Variants in KIAA1549L observed in about 807,000 individuals in gnomAD.
KIAA1549L encodes the protein UPF0606 protein KIAA1549L.
KIAA1549L carries 88 observed loss-of-function variants against 160.7 expected under a neutral mutation model. The observed-to-expected ratio is 0.55, with a 90% CI of 0.46 to 0.65. The LOEUF (loss-of-function observed/expected upper bound fraction) is 0.65, where lower values mean the gene tolerates loss of function less well. KIAA1549L is among the 30% of genes least tolerant of loss of function. The pLI is 0.00. For synonymous variants in KIAA1549L, 950 were observed against 976.7 expected (o/e 0.97, Z 0.51); for missense variants, 2,258 against 2,437.5 (o/e 0.93, Z 1.55).
intron 6 of KIAA1549L, 122 bp downstream of exon 6, chr11:33,552,363 G>C: frequency 2.8e-6 from 3 of 1,076,766 alleles, no homozygotes; most frequent in Non-Finnish European, 4.0e-6. Context: ...TTGTACTTCA[G>C]ACATTGGTGA....
chr11:33,663,281 G>T (rs150581417), intron 20 of KIAA1549L, among the ~76,000 whole-genome samples: 2 of 152,198 alleles, frequency 1.3e-5, no homozygotes, highest in Non-Finnish European at 2.9e-5. Flanking sequence ...GATGGAGAAG[G>T]ATTGGGAGGG....
At chr11:33,386,998 T>C (rs1253548716) in intron 1 of KIAA1549L, among the ~76,000 whole-genome samples, 1 of 151,702 alleles carries the variant, frequency 6.6e-6, no homozygotes, top group Non-Finnish European at 1.5e-5. Context: ...TCCCAGCTAC[T>C]TGGGAGGCTG....
chr11:33,426,639 G>T (rs555625830), intron 1 of KIAA1549L, among the ~76,000 whole-genome samples: 2 of 152,234 alleles, frequency 1.3e-5, no homozygotes, highest in African/African-American at 4.8e-5. Flanking sequence ...CTAGAATCTG[G>T]GTACCAACTG....
chr11:33,537,033 G>A (rs1229144010), intron 1 of KIAA1549L, among the ~76,000 whole-genome samples: 1 of 152,200 alleles, frequency 6.6e-6, no homozygotes, highest in Non-Finnish European at 1.5e-5. Flanking sequence ...TCCGGCTGTC[G>A]CCTCCCTCTG....
chr11:33,481,041 A>G (rs1185325987), intron 1 of KIAA1549L, among the ~76,000 whole-genome samples: 3 of 152,236 alleles, frequency 2.0e-5, no homozygotes, highest in African/African-American at 7.2e-5. Context: ...GTTCAGTGGT[A>G]GTTTAAAGTT....
chr11:33,627,393 C>G (rs996183451), intron 16 of KIAA1549L, among the ~76,000 whole-genome samples: 2 of 151,228 alleles, frequency 1.3e-5, no homozygotes, highest in African/African-American at 4.9e-5. Flanking sequence ...GTCCTGGAAT[C>G]TTTTTGGTTG....
intron 1 of KIAA1549L, among the ~76,000 whole-genome samples, chr11:33,407,053 T>C (rs917940470): frequency 6.6e-6 from 1 of 151,812 alleles, no homozygotes; most frequent in African/African-American, 2.4e-5. Flanking sequence ...TCTAGGTAGA[T>C]GTGGAGTTCA....
At chr11:33,585,737 A>G (rs896239915) in intron 11 of KIAA1549L, among the ~76,000 whole-genome samples, 4 of 152,214 alleles carry the variant, frequency 2.6e-5, no homozygotes, top group Non-Finnish European at 2.9e-5. Context: ...TGGGCAACAC[A>G]TGATTTCCAC....
chr11:33,395,961 G>A (rs893032918), intron 1 of KIAA1549L, among the ~76,000 whole-genome samples: 4 of 152,100 alleles, frequency 2.6e-5, no homozygotes, highest in African/African-American at 9.7e-5. Context: ...TGTTGTTATT[G>A]TTGTGACTTT....
At chr11:33,472,296 T>A (rs947376250) in intron 1 of KIAA1549L, among the ~76,000 whole-genome samples, 80 of 149,436 alleles carry the variant, frequency 5.4e-4, no homozygotes, top group Admixed American at 2.4e-3. Context: ...TTTTTTTTTT[T>A]TGGTTGTAGA....
At chr11:33,437,697 A>G (rs1179379714) in intron 1 of KIAA1549L, among the ~76,000 whole-genome samples, 1 of 152,148 alleles carries the variant, frequency 6.6e-6, no homozygotes, top group African/African-American at 2.4e-5. Flanking sequence ...TCCCTTTACT[A>G]GCCTGCACTG....
chr11:33,568,031 G>A, intron 8 of KIAA1549L, 45 bp from the exon 9 acceptor site: 2 of 1,535,574 alleles, frequency 1.3e-6, no homozygotes, highest in Non-Finnish European at 1.8e-6. Flanking sequence ...TGAATCAGCA[G>A]AAAGTCTGCC....
intron 13 of KIAA1549L, among the ~76,000 whole-genome samples, chr11:33,605,006 A>G (rs1263733735): frequency 6.6e-6 from 1 of 152,164 alleles, no homozygotes; most frequent in East Asian, 1.9e-4. Context: ...GGCTTGCAGG[A>G]TGGTCACTCA....
chr11:33,653,110 G>A (rs140537793), intron 17 of KIAA1549L, among the ~76,000 whole-genome samples: 113 of 152,310 alleles, frequency 7.4e-4, no homozygotes, highest in Non-Finnish European at 1.5e-3. Context: ...TGTTCACTCA[G>A]CATTCATTCA....
chr11:33,450,772 A>T (rs1037643291), intron 1 of KIAA1549L: 1 of 152,284 alleles, frequency 6.6e-6, no homozygotes, highest in Non-Finnish European at 1.5e-5. Flanking sequence ...CCTAAACTTC[A>T]TGAACACTGT....
chr11:33,664,670 T>C (rs1171669587), intron 20 of KIAA1549L, among the ~76,000 whole-genome samples: 1 of 152,010 alleles, frequency 6.6e-6, no homozygotes, highest in Non-Finnish European at 1.5e-5. Context: ...GAGAGGATAG[T>C]GAAAAGAAAG....
At chr11:33,571,498 C>T (rs1855254217) in intron 9 of KIAA1549L, among the ~76,000 whole-genome samples, 2 of 152,068 alleles carry the variant, frequency 1.3e-5, no homozygotes, top group African/African-American at 4.8e-5. Context: ...GCAGGCTGTA[C>T]AGGAAGCATA....
At chr11:33,649,901 A>G (rs956530262) in intron 17 of KIAA1549L, among the ~76,000 whole-genome samples, 2 of 152,018 alleles carry the variant, frequency 1.3e-5, no homozygotes, top group Non-Finnish European at 2.9e-5. Context: ...AAGAAAAAGA[A>G]ATGTTACATT....
In KIAA1549L at chr11:33,543,014, C is replaced by A; in HGVS notation, c.1451C>A (p.Ala484Asp). 6.2e-7 allele frequency: 1 copy of A among 1,613,950 alleles called. No homozygotes were observed. Among genetic ancestry groups the A allele is most frequent in the Non-Finnish European group, 8.5e-7 (1 of 1,179,896 alleles). Residue 484 changes from alanine to aspartate, a missense_variant, in exon 2 of 21, where the codon GCC (alanine) becomes GAC (aspartate). Ala to Asp is a moderately radical substitution (Grantham distance 126). Coordinates refer to ENST00000658780, the MANE Select transcript of KIAA1549L (RefSeq NM_012194.3). Reference protein sequence around the residue: ...LHITTLGQEQAILSGAVPASP... With the variant: ...LHITTLGQEQDILSGAVPASP... ...ATCACCACACTGGGTCAAGAGCAAGCCATCCTTTCTGGGGCGGTTCCCGCA... is the reference window on the plus strand; with the variant it reads ...ATCACCACACTGGGTCAAGAGCAAGACATCCTTTCTGGGGCGGTTCCCGCA...
Sources: gnomAD v4.1 joint callset for allele counts (sites outside exome capture counted in the v4.1 genomes callset) on GRCh38, gnomAD v4.1.1 for gene constraint, MANE v1.5 for transcripts, NCBI Gene and HGNC (gene_info 2026-07-23, HGNC 2026-07-21) for gene names.